Variants in KIAA1549L observed in about 807,000 individuals in gnomAD.
KIAA1549L encodes UPF0606 protein KIAA1549L.
KIAA1549L carries 88 observed loss-of-function variants against 160.7 expected under a neutral mutation model. The ratio of observed to expected loss-of-function variants is 0.55; its 90% CI spans 0.46 to 0.65. The LOEUF (loss-of-function observed/expected upper bound fraction) is 0.65, where lower values mean the gene tolerates loss of function less well. Among genes scored for constraint, KIAA1549L ranks in the 30% least tolerant of loss-of-function variants. The pLI is 0.00. For missense variants in KIAA1549L, 2,258 were observed against 2,437.5 expected (o/e 0.93, Z 1.55); for synonymous variants, 950 against 976.7 (o/e 0.97, Z 0.51).
chr11:33,459,422 G>A (rs1851894367), intron 1 of KIAA1549L, among the ~76,000 whole-genome samples: 1 of 152,146 alleles, frequency 6.6e-6, no homozygotes, highest in South Asian at 2.1e-4. Flanking sequence ...GCCATCTAAT[G>A]TCACACTGCC....
intron 1 of KIAA1549L, among the ~76,000 whole-genome samples, chr11:33,391,093 C>T (rs898460597): frequency 1.1e-4 from 16 of 152,180 alleles, no homozygotes; most frequent in South Asian, 4.1e-4. Flanking sequence ...AGATTTGCTG[C>T]GTGGTCTAAA....
intron 1 of KIAA1549L, among the ~76,000 whole-genome samples, chr11:33,420,235 G>GTTTGTTTTTTTTTTTTTTTTTTGTTTTGT (rs1554975227): frequency 2.2e-5 from 1 of 46,266 alleles, no homozygotes; most frequent in Non-Finnish European, 5.5e-5. Flanking sequence ...TTTTTTTTTT[G>GTTTGTTTTTTTTTTTTTTTTTTGTTTTGT]TTTTTTTTTT....
chr11:33,464,161 A>T (rs1268797964), intron 1 of KIAA1549L, among the ~76,000 whole-genome samples: 1 of 152,244 alleles, frequency 6.6e-6, no homozygotes, highest in Non-Finnish European at 1.5e-5. Flanking sequence ...AGTAAAAGCT[A>T]GATCTGTGAT....
chr11:33,415,281 T>C (rs1452611166), intron 1 of KIAA1549L, among the ~76,000 whole-genome samples: 1 of 152,192 alleles, frequency 6.6e-6, no homozygotes, highest in East Asian at 1.9e-4. Context: ...TGACAGTGGA[T>C]TGCATAAGGT....
At chr11:33,647,244 C>A (rs998715697) in intron 17 of KIAA1549L, among the ~76,000 whole-genome samples, 2 of 152,020 alleles carry the variant, frequency 1.3e-5, no homozygotes. Context: ...GGTGTGGCGG[C>A]ATGCGCCTAT....
intron 16 of KIAA1549L, 87 bp downstream of exon 16, chr11:33,618,749 C>G: frequency 8.1e-7 from 1 of 1,227,816 alleles, no homozygotes; most frequent in Non-Finnish European, 1.1e-6. Context: ...TTTTGGTTTA[C>G]CACATATTTG....
chr11:33,457,168 A>G (rs1851844160), intron 1 of KIAA1549L, among the ~76,000 whole-genome samples: 1 of 151,950 alleles, frequency 6.6e-6, no homozygotes, highest in African/African-American at 2.4e-5. Flanking sequence ...TGTCCAGAAG[A>G]GGGGTTTGGG....
chr11:33,583,294 C>G (rs1458927909), intron 10 of KIAA1549L, 44 bp from the exon 11 acceptor site: 3 of 1,560,610 alleles, frequency 1.9e-6, no homozygotes, highest in African/African-American at 2.7e-5. Flanking sequence ...TTTCCTCTTC[C>G]CAGTGTTGCT....
At chr11:33,617,133 C>CAAAAA (rs59233344) in intron 15 of KIAA1549L, among the ~76,000 whole-genome samples, 3,441 of 89,430 alleles carry the variant, frequency 0.038, 160 homozygotes, top group African/African-American at 0.12. Context: ...GAGATTCTAT[C>CAAAAA]AAAAAAAAAA....
In KIAA1549L at chr11:33,431,089, C is replaced by T. The variant is rs866852459; in HGVS notation, c.238+54200C>T. ...GACCTTTGCGGTGAGTGCTACAGCTCTTAAGGCAGCACATCTGGAGTTGTT... is the reference window on the plus strand; with the variant it reads ...GACCTTTGCGGTGAGTGCTACAGCTTTTAAGGCAGCACATCTGGAGTTGTT... On this transcript the variant is annotated intron_variant, in intron 1 of 20. Coordinates refer to ENST00000658780, the MANE Select transcript of KIAA1549L (RefSeq NM_012194.3). 2.3e-4 allele frequency among the ~76,000 whole-genome samples: 35 copies of T among 152,008 alleles called. No individual in the cohort carries two copies. The Middle Eastern group carries it at 0.014, about 59-fold the overall frequency.
chr11:33,436,880 G>A (rs1163412587), intron 1 of KIAA1549L, among the ~76,000 whole-genome samples: 1 of 152,188 alleles, frequency 6.6e-6, no homozygotes, highest in African/African-American at 2.4e-5. Context: ...ACTTGTTGGA[G>A]GCAGAGCTGG....
At chr11:33,488,281 TC>T (rs571025196) in intron 1 of KIAA1549L, among the ~76,000 whole-genome samples, 250 of 152,326 alleles carry the variant, frequency 1.6e-3, no homozygotes, top group Non-Finnish European at 2.5e-3. Flanking sequence ...TATGGATAAT[TC>T]CTGAATGTGA....
In KIAA1549L at chr11:33,673,983, T is replaced by TA. The variant is rs1852728122; in HGVS notation, c.*5831dup. ...GCTTTGAATGTAGCTGTTGTTATTTTAATGCTTCGCTTTCTAATGAACTTT... is the reference window on the plus strand; with the variant it reads ...GCTTTGAATGTAGCTGTTGTTATTTTAAATGCTTCGCTTTCTAATGAACTTT... On this transcript the variant is annotated 3_prime_UTR_variant, in exon 21 of 21. Coordinates refer to ENST00000658780, the MANE Select transcript of KIAA1549L (RefSeq NM_012194.3). 1 of 152,250 alleles carries TA rather than the reference T, an allele frequency of 6.6e-6. No homozygotes were observed. Among genetic ancestry groups the TA allele is most frequent in the South Asian group, 2.1e-4 (1 of 4,836 alleles). The allele number at this position is 152,250 out of a possible 1,614,324, so 9.4% of individuals were successfully genotyped here.
chr11:33,660,070 G>A (rs572130347), intron 19 of KIAA1549L, among the ~76,000 whole-genome samples: 1 of 152,366 alleles, frequency 6.6e-6, no homozygotes, highest in East Asian at 1.9e-4. Context: ...TTTAGGGGAT[G>A]AGAAAAAGGG....
At chr11:33,438,393 C>T (rs979934865) in intron 1 of KIAA1549L, among the ~76,000 whole-genome samples, 3 of 152,188 alleles carry the variant, frequency 2.0e-5, no homozygotes, top group Admixed American at 1.3e-4. Flanking sequence ...TGTTAGAACC[C>T]AGGTCTTGTC....
chr11:33,428,501 C>T (rs572391468), intron 1 of KIAA1549L, among the ~76,000 whole-genome samples: 2 of 151,526 alleles, frequency 1.3e-5, no homozygotes, highest in South Asian at 4.2e-4. Context: ...CGCCCTGTAT[C>T]CAAGTGTTCT....
intron 1 of KIAA1549L, among the ~76,000 whole-genome samples, chr11:33,501,995 A>G (rs1012921698): frequency 5.3e-5 from 8 of 152,156 alleles, no homozygotes; most frequent in Admixed American, 4.6e-4. Flanking sequence ...ATGATATGGG[A>G]GGAAAGAATG....
In KIAA1549L at chr11:33,552,141, A is replaced by G. The variant is rs765924706; in HGVS notation, c.3755A>G (p.Gln1252Arg). ...TTTGTGAGCCAAGCGGACAACATACAGTCCTGCAAGTTTGCTCAGACAATG... is the reference window on the plus strand; with the variant it reads ...TTTGTGAGCCAAGCGGACAACATACGGTCCTGCAAGTTTGCTCAGACAATG... ...LQFVSQADNI[Q>R]SCKFAQTMEQ... is the part of the protein sequence containing the mutation. The change falls in exon 6 of 21, where the codon CAG becomes CGG. Residue 1252 changes from glutamine (Q) to arginine (R), a missense_variant. Transcript: ENST00000658780. The G allele has an allele frequency of 6.2e-6, 10 of 1,613,356 alleles. No homozygotes were observed. The highest frequency in any genetic ancestry group is 2.2e-5 in the East Asian group (1 of 44,872).
intron 1 of KIAA1549L, among the ~76,000 whole-genome samples, chr11:33,538,373 C>T (rs747994950): frequency 7.9e-5 from 12 of 152,154 alleles, no homozygotes; most frequent in Non-Finnish European, 1.8e-4. Context: ...CAGGGATCTC[C>T]TCACTCCAGT....
Sources: allele counts gnomAD v4.1 joint callset (sites outside exome capture counted in the v4.1 genomes callset), GRCh38; gene constraint gnomAD v4.1.1; transcripts MANE v1.5; gene names NCBI Gene and HGNC (gene_info 2026-07-23, HGNC 2026-07-21).